Variants in PKP4 observed in about 807,000 individuals in gnomAD.
The protein encoded by PKP4 is plakophilin-4.
In PKP4, 90 loss-of-function variants were observed where a neutral mutation model predicts 145.1. That is an observed-to-expected ratio of 0.62 (90% CI 0.52 to 0.74). The LOEUF is 0.74. Ranked by LOEUF, PKP4 falls within the 30% of genes least tolerant of loss-of-function variation. The pLI, the probability that PKP4 is intolerant of heterozygous loss-of-function variation, is 0.00. For missense variants in PKP4, 1,340 were observed against 1,482.7 expected (o/e 0.90, Z 1.58); for synonymous variants, 563 against 577.2 (o/e 0.98, Z 0.35).
chr2:158,542,264 G>A (rs1247913457), intron 2 of PKP4, among the ~76,000 whole-genome samples: 2 of 152,062 alleles, frequency 1.3e-5, no homozygotes, highest in African/African-American at 4.8e-5. Context: ...TATAATGTAA[G>A]CTCTTAACAG....
chr2:158,553,148 G>A (rs1435170864), intron 2 of PKP4, among the ~76,000 whole-genome samples: 1 of 152,202 alleles, frequency 6.6e-6, no homozygotes, highest in African/African-American at 2.4e-5. Flanking sequence ...AACAAAATGT[G>A]AGAGGAAAAA....
intron 6 of PKP4, among the ~76,000 whole-genome samples, chr2:158,622,489 G>A (rs1311741242): frequency 6.6e-6 from 1 of 152,078 alleles, no homozygotes; most frequent in Non-Finnish European, 1.5e-5. Flanking sequence ...TTTCTTTAGA[G>A]CTGAAAAGTA....
At chr2:158,550,653 C>T (rs958246216) in intron 2 of PKP4, among the ~76,000 whole-genome samples, 1 of 152,212 alleles carries the variant, frequency 6.6e-6, no homozygotes, top group Non-Finnish European at 1.5e-5. Flanking sequence ...GGCCTGTCTA[C>T]TTCTCAGACT....
Position 158,634,389 on chromosome 2 carries a change from CATT to C in PKP4, c.1562+103_1562+105del, listed in dbSNP as rs2053640453. The C allele has an allele frequency of 4.0e-6, 3 of 757,340 alleles. No individual in the cohort carries two copies. The Admixed American group carries it at 6.4e-5, about 16-fold the overall frequency. 46.9% of individuals were successfully genotyped at this position (757,340 alleles called of 1,614,324 possible). ...TAAGTTGCTAAGTCTATTATACTAT[CATT>C]ATACTATCATTAATTCCATATATAT... is the stretch of plus-strand genomic sequence containing the variant. On this transcript the variant is annotated intron_variant, in intron 9 of 21. Coordinates refer to ENST00000389759, the MANE Select transcript of PKP4 (RefSeq NM_003628.6).
At chr2:158,521,122 G>T (rs994656394) in intron 1 of PKP4, among the ~76,000 whole-genome samples, 7 of 152,154 alleles carry the variant, frequency 4.6e-5, no homozygotes, top group Admixed American at 3.3e-4. Flanking sequence ...GGACTACAGA[G>T]TGTACATGTC....
chr2:158,555,269 G>A (rs746451105), intron 2 of PKP4, among the ~76,000 whole-genome samples: 1 of 152,170 alleles, frequency 6.6e-6, no homozygotes, highest in Non-Finnish European at 1.5e-5. Context: ...CCTGTCTGTG[G>A]TGTCTTTGTA....
At chr2:158,495,320 AC>A (rs1471561131) in intron 1 of PKP4, among the ~76,000 whole-genome samples, 1 of 149,238 alleles carries the variant, frequency 6.7e-6, no homozygotes, top group African/African-American at 2.5e-5. Flanking sequence ...GGCAAGTTGG[AC>A]TCACATTGCT....
chr2:158,606,469 C>A (rs1450621225), intron 4 of PKP4, among the ~76,000 whole-genome samples: 4 of 152,204 alleles, frequency 2.6e-5, no homozygotes, highest in Non-Finnish European at 5.9e-5. Flanking sequence ...TACCAACTGC[C>A]TTCATCTCGA....
chr2:158,504,536 C>T (rs1697037880), intron 1 of PKP4, among the ~76,000 whole-genome samples: 1 of 152,174 alleles, frequency 6.6e-6, no homozygotes, highest in Non-Finnish European at 1.5e-5. Flanking sequence ...ACAAGTTAAA[C>T]ATAAAACTAA....
At chr2:158,603,304 G>A (rs1318500438) in intron 4 of PKP4, among the ~76,000 whole-genome samples, 200 bp downstream of exon 4, 1 of 152,088 alleles carries the variant, frequency 6.6e-6, no homozygotes, top group East Asian at 1.9e-4. Context: ...CAACTGTAAT[G>A]AAAAAGCATT....
chr2:158,519,296 T>C (rs2042163789), intron 1 of PKP4, among the ~76,000 whole-genome samples: 1 of 152,200 alleles, frequency 6.6e-6, no homozygotes, highest in African/African-American at 2.4e-5. Context: ...GCTGTTTCTC[T>C]TTCCTACTTA....
rs557340089 is a variant in PKP4 at position 158,558,587 on chromosome 2, T to C, written c.133-18684T>C. 6.2e-4 allele frequency among the ~76,000 whole-genome samples: 93 copies of C among 150,324 alleles called. No individual in the cohort carries two copies. In the Middle Eastern group the frequency reaches 0.024, roughly 39 times the overall value. On this transcript the variant is annotated intron_variant, in intron 2 of 21. Coordinates refer to ENST00000389759, the MANE Select transcript of PKP4 (RefSeq NM_003628.6). ...TGGTTAGTAACCTTGGAGAGAACAG[T>C]TGGTACAGAGTTTAGAGCAGCAGCC...
intron 3 of PKP4, among the ~76,000 whole-genome samples, chr2:158,590,487 A>T (rs1378704698): frequency 4.0e-5 from 6 of 151,548 alleles, no homozygotes; most frequent in African/African-American, 1.5e-4. Context: ...TCCCAGATTT[A>T]GTTACATTAT....
chr2:158,631,737 A>G lies in PKP4; in HGVS notation c.1154-16A>G, dbSNP rs761572181. On this transcript the variant is annotated splice_polypyrimidine_tract_variant and intron_variant, in intron 7 of 21. Coordinates refer to ENST00000389759, the MANE Select transcript of PKP4 (RefSeq NM_003628.6). Reference sequence around the variant, plus strand: ...GATTGTCTCAGTTCTTAACGATGTAATTTTTGTGCCTCTAGGCTTACGGAG... The same window carrying G: ...GATTGTCTCAGTTCTTAACGATGTAGTTTTTGTGCCTCTAGGCTTACGGAG... 6.2e-7 allele frequency: 1 copy of G among 1,609,370 alleles called. No individual in the cohort carries two copies. The highest frequency in any genetic ancestry group is 8.5e-7 in the Non-Finnish European group (1 of 1,175,868).
chr2:158,562,061 C>G (rs1036316782), intron 2 of PKP4, among the ~76,000 whole-genome samples: 1 of 151,984 alleles, frequency 6.6e-6, no homozygotes, highest in Non-Finnish European at 1.5e-5. Context: ...GAGATAAGGC[C>G]TTTCACTATT....
intron 7 of PKP4, among the ~76,000 whole-genome samples, chr2:158,629,769 G>A (rs1476972039): frequency 6.6e-6 from 1 of 152,052 alleles, no homozygotes; most frequent in Non-Finnish European, 1.5e-5. Flanking sequence ...GGCGTGCAGT[G>A]GCGCGATCTC....
At chr2:158,551,542 G>GC (rs576148741) in intron 2 of PKP4, among the ~76,000 whole-genome samples, 1 of 152,096 alleles carries the variant, frequency 6.6e-6, no homozygotes, top group Non-Finnish European at 1.5e-5. Flanking sequence ...AGAGATAACA[G>GC]CCATTTATTT....
At chr2:158,574,826 G>T (rs950024178) in intron 2 of PKP4, among the ~76,000 whole-genome samples, 2 of 152,140 alleles carry the variant, frequency 1.3e-5, no homozygotes, top group African/African-American at 4.8e-5. Flanking sequence ...ATCCAGTAGG[G>T]ATATAATGTG....
chr2:158,523,320 AC>A (rs2042604183), intron 1 of PKP4, among the ~76,000 whole-genome samples: 1 of 113,596 alleles, frequency 8.8e-6, no homozygotes, highest in South Asian at 3.8e-4. Flanking sequence ...TGGGTCCCTG[AC>A]CCCTGACCCC....
Sources: gnomAD v4.1 joint callset for allele counts (sites outside exome capture counted in the v4.1 genomes callset) on GRCh38, gnomAD v4.1.1 for gene constraint, MANE v1.5 for transcripts, NCBI Gene and HGNC (gene_info 2026-07-23, HGNC 2026-07-21) for gene names.